The following DLG5 variants were observed in gnomAD, a reference collection of about 807,000 sequenced individuals.
DLG5 encodes the protein discs large MAGUK scaffold protein 5, also known as disks large homolog 5.
In DLG5, 48 loss-of-function variants were observed where a neutral mutation model predicts 189.8. The observed-to-expected ratio is 0.25, with a 90% confidence interval of 0.20 to 0.32. DLG5 has a LOEUF of 0.32. DLG5 is among the 10% of genes least tolerant of loss of function. The pLI, the probability that DLG5 is intolerant of heterozygous loss-of-function variation, is 1.00. For synonymous variants in DLG5, 1,016 were observed against 1,054.1 expected, an observed-to-expected ratio of 0.96 and a Z score of 0.70; for missense variants, 2,160 against 2,544.7, an observed-to-expected ratio of 0.85 and a Z score of 3.25.
chr10:77,925,492 G>A (rs1320992495), intron 1 of DLG5, among the ~76,000 whole-genome samples: 2 of 152,130 alleles, frequency 1.3e-5, no homozygotes, highest in African/African-American at 2.4e-5. Context: ...TCATCCCCAA[G>A]ACCAAAGACA....
At chr10:77,822,231 TAGAC>T (rs1842405383) in intron 14 of DLG5, 130 bp from the exon 15 acceptor site, 31 of 961,070 alleles carry the variant, frequency 3.2e-5, no homozygotes, top group Non-Finnish European at 4.3e-5. Flanking sequence ...AAGAGACAGA[TAGAC>T]AGAGATGCAC....
At chr10:77,874,481 C>A (rs774700288) in intron 1 of DLG5, among the ~76,000 whole-genome samples, 5 of 152,206 alleles carry the variant, frequency 3.3e-5, no homozygotes, top group Admixed American at 6.5e-5. Context: ...CAGAAAATTC[C>A]ACACCTGACC....
chr10:77,852,456 C>T (rs1483973521), intron 5 of DLG5, among the ~76,000 whole-genome samples: 1 of 152,166 alleles, frequency 6.6e-6, no homozygotes, highest in African/African-American at 2.4e-5. Flanking sequence ...TGCTCTGTCA[C>T]CCAGGCTGGA....
At chr10:77,852,376 A>G (rs1322671803) in intron 5 of DLG5, among the ~76,000 whole-genome samples, 3 of 151,886 alleles carry the variant, frequency 2.0e-5, no homozygotes, top group Non-Finnish European at 4.4e-5. Flanking sequence ...TCTCAAAAAA[A>G]ATAAATAAAT....
At chr10:77,911,448 G>T in intron 1 of DLG5, among the ~76,000 whole-genome samples, 1 of 152,136 alleles carries the variant, frequency 6.6e-6, no homozygotes, top group Non-Finnish European at 1.5e-5. Context: ...TACTTCTTAC[G>T]TTAAAATATG....
At chr10:77,833,876 A>G (rs1449337769) in intron 9 of DLG5, 38 bp downstream of exon 9, 3 of 1,599,414 alleles carry the variant, frequency 1.9e-6, no homozygotes, top group Non-Finnish European at 2.5e-6. Context: ...AGGCTCCCAG[A>G]TGCATGCCCA....
intron 27 of DLG5, among the ~76,000 whole-genome samples, chr10:77,802,417 T>C (rs1404523846): frequency 2.0e-5 from 3 of 152,112 alleles, no homozygotes; most frequent in Non-Finnish European, 4.4e-5. Flanking sequence ...CCAAAAAACC[T>C]GCACTACAAG....
intron 7 of DLG5, among the ~76,000 whole-genome samples, chr10:77,838,228 T>A (rs1453352775): frequency 6.6e-6 from 1 of 152,144 alleles, no homozygotes; most frequent in African/African-American, 2.4e-5. Context: ...GGGCTGCCCT[T>A]CTACAGACGG....
intron 2 of DLG5, among the ~76,000 whole-genome samples, chr10:77,857,794 G>C (rs1844308628): frequency 6.6e-6 from 1 of 152,204 alleles, no homozygotes; most frequent in South Asian, 2.1e-4. Context: ...AACCCTTAGA[G>C]ACCCTTGTTG....
chr10:77,807,992 A>G (rs771978765), intron 24 of DLG5, 48 bp from the exon 25 acceptor site: 1 of 1,610,462 alleles, frequency 6.2e-7, no homozygotes, highest in South Asian at 1.1e-5. Context: ...GCCAGGGGGC[A>G]GCTTGGGCAC....
At chr10:77,904,527 C>T (rs1398168581) in intron 1 of DLG5, among the ~76,000 whole-genome samples, 5 of 152,036 alleles carry the variant, frequency 3.3e-5, no homozygotes, top group Non-Finnish European at 7.4e-5. Flanking sequence ...AGAATTCTCA[C>T]GTGTTGTGGG....
At chr10:77,843,797 C>A (rs772359390) in intron 5 of DLG5, 91 bp from the exon 6 acceptor site, 3 of 1,549,422 alleles carry the variant, frequency 1.9e-6, no homozygotes, top group South Asian at 1.2e-5. Context: ...GAGGGTGAGA[C>A]TGATGACAAG....
chr10:77,829,098 G>T, intron 12 of DLG5, 113 bp from the exon 13 acceptor site: 1 of 1,242,546 alleles, frequency 8.0e-7, no homozygotes, highest in African/African-American at 1.5e-5. Flanking sequence ...AGCAGGCTGC[G>T]CCCTGTCTAC....
rs144261786 is a variant in DLG5 at position 77,901,834 on chromosome 10, C to T, written c.304+24383G>A. The stretch of plus-strand genomic sequence containing the variant: ...AGGGCTGGAAAGACGAGCTCTCTGT[C>T]CTGACCCACTTCTCCCTGCACACTC... On this transcript the variant is annotated intron_variant, in intron 1 of 31. Coordinates refer to ENST00000372391, the MANE Select transcript of DLG5 (RefSeq NM_004747.4). Among the ~76,000 whole-genome samples, 237 of 152,328 alleles carry T rather than the reference C, an allele frequency of 1.6e-3. 1 individual carries two copies. The highest frequency in any genetic ancestry group is 5.2e-3 in the African/African-American group (218 of 41,586).
intron 23 of DLG5, 116 bp from the exon 24 acceptor site, chr10:77,809,846 A>C: frequency 3.2e-6 from 4 of 1,236,302 alleles, no homozygotes; most frequent in Non-Finnish European, 4.5e-6. Context: ...TCAGAACCAC[A>C]GGGAGCTGAG....
chr10:77,853,572 C>T (rs775634214), intron 4 of DLG5, 35 bp from the exon 5 acceptor site: 6 of 1,508,394 alleles, frequency 4.0e-6, no homozygotes, highest in Non-Finnish European at 5.4e-6. Flanking sequence ...TGAGCCCCAG[C>T]CAGCCCCTCA....
intron 1 of DLG5, among the ~76,000 whole-genome samples, chr10:77,903,782 G>A (rs976113554): frequency 2.0e-5 from 3 of 152,082 alleles, no homozygotes; most frequent in South Asian, 2.1e-4. Flanking sequence ...ATCAAAAATC[G>A]GAAATACTTC....
the DLG5 span, among the ~76,000 whole-genome samples, chr10:77,934,898 C>A: frequency 6.7e-6 from 1 of 148,550 alleles, no homozygotes; most frequent in South Asian, 2.1e-4. Context: ...TGCTCTGTCG[C>A]CTAGGCTGGA....
chr10:77,838,915 G>C (rs1490608997), intron 7 of DLG5, among the ~76,000 whole-genome samples: 1 of 152,198 alleles, frequency 6.6e-6, no homozygotes, highest in African/African-American at 2.4e-5. Flanking sequence ...AGAGCTGATG[G>C]GGCAGCCGCG....
Sources: allele counts gnomAD v4.1 joint callset (sites outside exome capture counted in the v4.1 genomes callset), GRCh38; gene constraint gnomAD v4.1.1; transcripts MANE v1.5; gene names NCBI Gene and HGNC (gene_info 2026-07-23, HGNC 2026-07-21).